The following RAB20 variants were observed in gnomAD, a reference collection of about 807,000 sequenced individuals.
RAB20 encodes RAB20, member RAS oncogene family, also known as ras-related protein Rab-20.
Under a neutral mutation model 3.7 loss-of-function variants are expected in RAB20, and 2 were observed. That is an observed-to-expected ratio of 0.54 (90% confidence interval 0.22 to 1.69). The LOEUF (loss-of-function observed/expected upper bound fraction) is 1.69. Ranked by LOEUF, RAB20 falls within the 40% of genes most tolerant of loss-of-function variation. The pLI, the probability that RAB20 is intolerant of heterozygous loss-of-function variation, is 0.19. For synonymous variants in RAB20, 126 were observed against 130.8 expected (o/e 0.96, Z 0.25); for missense variants, 276 against 311.9 (o/e 0.88, Z 0.87).
At chr13:110,526,091 C>T (rs1281476791) in intron 1 of RAB20, among the ~76,000 whole-genome samples, 1 of 152,236 alleles carries the variant, frequency 6.6e-6, no homozygotes, top group Non-Finnish European at 1.5e-5. Context: ...CTGGAAGCTC[C>T]CATAGCACCT....
intron 1 of RAB20, among the ~76,000 whole-genome samples, chr13:110,545,187 A>C (rs553079129): frequency 6.6e-6 from 1 of 152,220 alleles, no homozygotes; most frequent in African/African-American, 2.4e-5. Flanking sequence ...AAAAATACCT[A>C]AGAGTGTAAC....
At chr13:110,544,244 T>C (rs1010906998) in intron 1 of RAB20, among the ~76,000 whole-genome samples, 1 of 152,218 alleles carries the variant, frequency 6.6e-6, no homozygotes, top group Admixed American at 6.5e-5. Flanking sequence ...CCCTGTTCCA[T>C]TGGTCAATGT....
At chr13:110,535,996 TA>T (rs1013961450) in intron 1 of RAB20, among the ~76,000 whole-genome samples, 1 of 152,164 alleles carries the variant, frequency 6.6e-6, no homozygotes, top group African/African-American at 2.4e-5. Flanking sequence ...CAGAAGTGAT[TA>T]GCTAAAATGT....
chr13:110,533,519 CA>C (rs5806863), intron 1 of RAB20, among the ~76,000 whole-genome samples: 61,592 of 151,344 alleles, frequency 0.41, 13,000 homozygotes, highest in African/African-American at 0.53. Flanking sequence ...CCTATCTCTA[CA>C]AAAAAAAATT....
intron 1 of RAB20, among the ~76,000 whole-genome samples, chr13:110,539,780 G>A (rs1393747337): frequency 1.3e-5 from 2 of 152,026 alleles, no homozygotes; most frequent in East Asian, 1.9e-4. Flanking sequence ...GGCTGGTCTC[G>A]AACTCCTGAC....
At position 110,555,552 on chromosome 13, in the gene RAB20, T is replaced by C. The variant is rs537169476; in HGVS notation, c.172+5796A>G. ...TCCTTGGGTTCTGGCACCAAGAACA[T>C]TGGGGTCTGCAAGGCTCATGCCAAA... On this transcript the variant is annotated intron_variant, in intron 1 of 1. Transcript: ENST00000267328. The surrounding 1 kb of genome is among the most constrained non-coding windows in gnomAD (Gnocchi z 4.0). Among the ~76,000 whole-genome samples the C allele has an allele frequency of 2.6e-5, 4 of 152,314 alleles. No homozygotes were observed. The highest frequency in any genetic ancestry group is 4.1e-4 in the South Asian group (2 of 4,830).
chr13:110,537,635 G>A (rs746589942), intron 1 of RAB20, among the ~76,000 whole-genome samples: 2 of 151,764 alleles, frequency 1.3e-5, no homozygotes, highest in Non-Finnish European at 2.9e-5. Flanking sequence ...TCAAGCAGAA[G>A]AACAGGGCCA....
chr13:110,526,138 G>C (rs1031706882), intron 1 of RAB20, among the ~76,000 whole-genome samples: 1 of 152,200 alleles, frequency 6.6e-6, no homozygotes. Context: ...CCTGGGGCAT[G>C]TGTGGCCTCC....
Position 110,523,413 on chromosome 13 carries a change from G to T in RAB20, c.*252C>A, listed in dbSNP as rs1884366550. 1.4e-6 allele frequency: 1 copy of T among 715,642 alleles called. No individual in the cohort carries two copies. The highest frequency in any genetic ancestry group is 2.2e-6 in the Non-Finnish European group (1 of 450,000). 44.3% of individuals were successfully genotyped at this position (715,642 alleles called of 1,614,324 possible). On this transcript the variant is annotated 3_prime_UTR_variant, in exon 2 of 2. Transcript: ENST00000267328. ...GGCAGCGGGGCAGAGAGCACCAGGG[G>T]TCTCGACTCTGCAGATTGGGCTTTG...
chr13:110,524,167 ATGGAGCCCAGGCCG>A lies in RAB20; in HGVS notation c.189_202del (p.Gly64ValfsTer13). On this transcript the variant is annotated frameshift_variant, in exon 2 of 2. Transcript: ENST00000267328. LOFTEE classifies it low-confidence loss of function (END_TRUNC). ...GATGGCGGCCGCCCCCCGGCAGTAC[ATGGAGCCCAGGCCG>A]TGGAACTGCTCCCGCCCTGGTGGGA... 6.2e-7 allele frequency: 1 copy of A among 1,602,998 alleles called. No homozygotes were observed. Among genetic ancestry groups the A allele is most frequent in the Non-Finnish European group, 8.5e-7 (1 of 1,178,796 alleles).
At chr13:110,544,402 C>A (rs537425640) in intron 1 of RAB20, among the ~76,000 whole-genome samples, 2 of 152,224 alleles carry the variant, frequency 1.3e-5, no homozygotes, top group Admixed American at 1.3e-4. Context: ...TGTGGTTCCA[C>A]ATAAATTTTA....
Position 110,523,476 on chromosome 13 carries a change from C to A in RAB20, c.*189G>T. On this transcript the variant is annotated 3_prime_UTR_variant, in exon 2 of 2. Transcript: ENST00000267328. ...GTTTCCCACCTCCCCACCCCTCTGA[C>A]AGAGACTGAGGAGACCACACACGTT... is the stretch of plus-strand genomic sequence containing the variant. The A allele has an allele frequency of 2.7e-6, 3 of 1,125,034 alleles. No individual in the cohort carries two copies. The highest frequency in any genetic ancestry group is 3.7e-6 in the Non-Finnish European group (3 of 817,526). The allele number at this position is 1,125,034 out of a possible 1,614,324, so 69.7% of individuals were successfully genotyped here. A position where few individuals can be genotyped will look rare whatever the true frequency, so the allele number is the denominator to read the frequency against.
intron 1 of RAB20, among the ~76,000 whole-genome samples, chr13:110,560,860 G>A (rs1395400539): frequency 6.6e-6 from 1 of 152,086 alleles, no homozygotes; most frequent in Non-Finnish European, 1.5e-5. Flanking sequence ...GAGGTCCGGA[G>A]GCTCCAGTTT....
intron 1 of RAB20, among the ~76,000 whole-genome samples, chr13:110,549,022 C>A (rs367718053): frequency 2.0e-5 from 3 of 152,356 alleles, no homozygotes; most frequent in East Asian, 3.9e-4. Flanking sequence ...ACTTCCCAGG[C>A]CAGTTTTTCA....
chr13:110,550,563 C>T (rs944754318), intron 1 of RAB20, among the ~76,000 whole-genome samples: 3 of 152,154 alleles, frequency 2.0e-5, no homozygotes, highest in African/African-American at 2.4e-5. Flanking sequence ...ATCCACTGCT[C>T]GCTGTGTGGG....
At chr13:110,549,188 A>G (rs1473091198) in intron 1 of RAB20, among the ~76,000 whole-genome samples, 2 of 152,254 alleles carry the variant, frequency 1.3e-5, no homozygotes, top group South Asian at 2.1e-4. Flanking sequence ...AAATCAGCAA[A>G]TATTTACAAA....
At chr13:110,547,114 T>C (rs1001932104) in intron 1 of RAB20, among the ~76,000 whole-genome samples, 26 of 152,208 alleles carry the variant, frequency 1.7e-4, no homozygotes, top group Non-Finnish European at 2.5e-4. Flanking sequence ...AAGCCTGGAA[T>C]GCCGCCAGTC....
At chr13:110,531,272 T>C (rs1253457336) in intron 1 of RAB20, among the ~76,000 whole-genome samples, 2 of 152,198 alleles carry the variant, frequency 1.3e-5, no homozygotes, top group African/African-American at 2.4e-5. Flanking sequence ...TAGGGCCCCT[T>C]TGAGGTGGGC....
At chr13:110,541,802 G>A (rs1466022407) in intron 1 of RAB20, among the ~76,000 whole-genome samples, 2 of 133,570 alleles carry the variant, frequency 1.5e-5, no homozygotes, top group Admixed American at 8.2e-5. Context: ...TCAAGTGCCA[G>A]GCGGAGTGTC....
Sources: allele counts gnomAD v4.1 joint callset (sites outside exome capture counted in the v4.1 genomes callset), GRCh38; gene constraint gnomAD v4.1.1; non-coding constraint Gnocchi (gnomAD v3.1); transcripts MANE v1.5; gene names NCBI Gene and HGNC (gene_info 2026-07-23, HGNC 2026-07-21).